Variants in PLCB1 observed in about 807,000 individuals in gnomAD.
PLCB1 encodes the protein 1-phosphatidylinositol 4,5-bisphosphate phosphodiesterase beta-1.
Under a neutral mutation model 161.8 loss-of-function variants are expected in PLCB1, and 46 were observed. The observed-to-expected ratio is 0.28, with a 90% CI of 0.22 to 0.36. PLCB1 has a LOEUF of 0.36. Among genes scored for constraint, PLCB1 ranks in the 10% least tolerant of loss-of-function variants. The pLI is 1.00. For synonymous variants in PLCB1, 517 were observed against 503.7 expected, an observed-to-expected ratio of 1.03 and a Z score of -0.35; for missense variants, 1,016 against 1,472.5, an observed-to-expected ratio of 0.69 and a Z score of 5.07.
intron 24 of PLCB1, among the ~76,000 whole-genome samples, chr20:8,757,830 C>G (rs772887982): frequency 6.6e-6 from 1 of 150,918 alleles, no homozygotes; most frequent in South Asian, 2.1e-4. Context: ...ACAGCCAAAG[C>G]CACACTCTTG....
chr20:8,183,712 C>T (rs1017225902), intron 2 of PLCB1, among the ~76,000 whole-genome samples: 1 of 152,098 alleles, frequency 6.6e-6, no homozygotes, highest in Admixed American at 6.5e-5. Context: ...GTATGAATGT[C>T]CGTCTCCAGG....
intron 3 of PLCB1, among the ~76,000 whole-genome samples, chr20:8,473,350 A>C (rs1258014563): frequency 1.3e-5 from 2 of 152,224 alleles, no homozygotes; most frequent in Admixed American, 1.3e-4. Flanking sequence ...TTAGGCTAAT[A>C]ATTAATATAT....
At chr20:8,525,757 C>T (rs1220904358) in intron 3 of PLCB1, among the ~76,000 whole-genome samples, 1 of 150,248 alleles carries the variant, frequency 6.7e-6, no homozygotes, top group Admixed American at 6.7e-5. Context: ...TCATAAAATT[C>T]TATCCAACAA....
At chr20:8,227,958 T>C (rs1380490844) in intron 2 of PLCB1, among the ~76,000 whole-genome samples, 1 of 152,160 alleles carries the variant, frequency 6.6e-6, no homozygotes, top group East Asian at 1.9e-4. Flanking sequence ...ATTCTAATGA[T>C]TTGAACATAT....
At chr20:8,692,069 A>G (rs1208712459) in intron 10 of PLCB1, among the ~76,000 whole-genome samples, 1 of 152,204 alleles carries the variant, frequency 6.6e-6, no homozygotes, top group Non-Finnish European at 1.5e-5. Context: ...AGGCAAAGCA[A>G]TCTATCTCCG....
chr20:8,600,755 C>G (rs1434769030), intron 3 of PLCB1: 2 of 152,462 alleles, frequency 1.3e-5, no homozygotes, highest in South Asian at 4.0e-4. Context: ...CAGCGAGACT[C>G]CGTGGGCGTA....
At chr20:8,805,507 T>TAATA (rs1984491615) in intron 31 of PLCB1, among the ~76,000 whole-genome samples, 1 of 152,156 alleles carries the variant, frequency 6.6e-6, no homozygotes, top group Admixed American at 6.5e-5. Context: ...TGCTTTGAAA[T>TAATA]AATAAAGGTC....
intron 2 of PLCB1, among the ~76,000 whole-genome samples, chr20:8,268,197 A>G (rs905769057): frequency 1.2e-4 from 18 of 151,696 alleles, no homozygotes; most frequent in African/African-American, 4.1e-4. Context: ...ATTCCCACCT[A>G]TAAGTGAGAA....
At chr20:8,326,854 G>A (rs568618714) in intron 2 of PLCB1, among the ~76,000 whole-genome samples, 11 of 152,192 alleles carry the variant, frequency 7.2e-5, no homozygotes, top group East Asian at 3.9e-4. Context: ...CTTTCACAGC[G>A]TCCAAATAAA....
At chr20:8,374,581 A>G (rs915699222) in intron 3 of PLCB1, among the ~76,000 whole-genome samples, 4 of 152,210 alleles carry the variant, frequency 2.6e-5, no homozygotes, top group Non-Finnish European at 5.9e-5. Context: ...AGAGAATTGT[A>G]TCAGGATTAC....
intron 18 of PLCB1, chr20:8,729,615 A>T (rs557375888): frequency 1.3e-5 from 2 of 152,792 alleles, no homozygotes; most frequent in African/African-American, 4.8e-5. Flanking sequence ...ATAAATACAT[A>T]TATATTCATA....
At chr20:8,408,508 T>G (rs1268408929) in intron 3 of PLCB1, among the ~76,000 whole-genome samples, 1 of 150,848 alleles carries the variant, frequency 6.6e-6, no homozygotes, top group Non-Finnish European at 1.5e-5. Context: ...GAATTGGAAG[T>G]TTTTTTTAAA....
intron 31 of PLCB1, among the ~76,000 whole-genome samples, chr20:8,881,150 G>A (rs559674580): frequency 1.3e-5 from 2 of 151,970 alleles, no homozygotes. Flanking sequence ...ACAGCCGCAC[G>A]CCACTATACC....
chr20:8,184,583 A>G (rs1422208300), intron 2 of PLCB1, among the ~76,000 whole-genome samples: 1 of 151,794 alleles, frequency 6.6e-6, no homozygotes, highest in Non-Finnish European at 1.5e-5. Context: ...AATTTCTGAA[A>G]TTCTTCAAAC....
At chr20:8,881,244 C>A (rs369928408) in intron 31 of PLCB1, among the ~76,000 whole-genome samples, 115 of 152,070 alleles carry the variant, frequency 7.6e-4, no homozygotes, top group African/African-American at 2.7e-3. Context: ...CGCAATCAAC[C>A]TGCCTCAACC....
At chr20:8,795,952 T>C (rs889759446) in intron 31 of PLCB1, among the ~76,000 whole-genome samples, 2 of 151,912 alleles carry the variant, frequency 1.3e-5, no homozygotes, top group Admixed American at 6.6e-5. Context: ...TATGCCAATG[T>C]TTATTGATCA....
intron 12 of PLCB1, among the ~76,000 whole-genome samples, chr20:8,713,388 G>A (rs1335996521): frequency 6.6e-6 from 1 of 152,090 alleles, no homozygotes; most frequent in African/African-American, 2.4e-5. Context: ...TCACCATGTT[G>A]GCCAGGCCGA....
chr20:8,469,067 C>T (rs936077569), intron 3 of PLCB1, among the ~76,000 whole-genome samples: 2 of 152,112 alleles, frequency 1.3e-5, no homozygotes, highest in East Asian at 1.9e-4. Flanking sequence ...CTGACACTAC[C>T]GTCCTATGGA....
chr20:8,667,538 C>T (rs1034112743), intron 9 of PLCB1, among the ~76,000 whole-genome samples: 1 of 152,216 alleles, frequency 6.6e-6, no homozygotes, highest in African/African-American at 2.4e-5. Flanking sequence ...TGAGGAAAGG[C>T]AAAGGCCTGG....
Sources: gnomAD v4.1 joint callset for allele counts (sites outside exome capture counted in the v4.1 genomes callset) on GRCh38, gnomAD v4.1.1 for gene constraint, MANE v1.5 for transcripts, NCBI Gene and HGNC (gene_info 2026-07-23, HGNC 2026-07-21) for gene names.